RARB: variants seen among roughly 807,000 people sequenced by gnomAD.
The protein encoded by RARB is HBV-activated protein.
A neutral mutation model predicts 51.9 loss-of-function variants in RARB; 17 were observed. That is an observed-to-expected ratio of 0.33 (90% confidence interval 0.22 to 0.49). RARB has a LOEUF of 0.49. Among genes scored for constraint, RARB ranks in the 20% least tolerant of loss-of-function variants. The pLI is 0.99. For synonymous variants in RARB, 215 were observed against 195.4 expected (o/e 1.10, Z -0.84); for missense variants, 369 against 550.8 (o/e 0.67, Z 3.30).
intron 4 of RARB, among the ~76,000 whole-genome samples, chr3:25,572,323 T>C (rs961644033): frequency 5.3e-5 from 8 of 152,234 alleles, no homozygotes; most frequent in African/African-American, 1.7e-4. Flanking sequence ...TTACATCTCA[T>C]ATTTATTGAG....
intron 2 of RARB, among the ~76,000 whole-genome samples, chr3:25,487,490 A>G (rs1261291096): frequency 2.0e-5 from 3 of 147,592 alleles, no homozygotes; most frequent in East Asian, 2.0e-4. Flanking sequence ...TTTTTTTTCA[A>G]TCTGTAAATG....
At chr3:25,071,243 A>G (rs1698760294) in intron 3 of RARB, among the ~76,000 whole-genome samples, 2 of 152,256 alleles carry the variant, frequency 1.3e-5, no homozygotes, top group Non-Finnish European at 2.9e-5. Context: ...AGCAATTAGC[A>G]GGAAATTTAG....
intron 2 of RARB, among the ~76,000 whole-genome samples, chr3:25,469,864 AAATT>A (rs1165772327): frequency 2.0e-5 from 3 of 152,244 alleles, no homozygotes; most frequent in Admixed American, 6.5e-5. Context: ...AAAAGGATTT[AAATT>A]CTGGCTTTTG....
intron 2 of RARB, among the ~76,000 whole-genome samples, chr3:24,976,469 C>G (rs751632418): frequency 1.8e-4 from 27 of 152,082 alleles, no homozygotes; most frequent in African/African-American, 6.5e-4. Flanking sequence ...ATTCTAACTG[C>G]CGTGGGATGG....
chr3:24,834,439 G>C (rs1370362442), intron 1 of RARB, among the ~76,000 whole-genome samples: 2 of 151,908 alleles, frequency 1.3e-5, no homozygotes, highest in African/African-American at 4.8e-5. Context: ...AGATTTTTTT[G>C]ACAAAAAATA....
chr3:24,995,647 T>C (rs1010843732), intron 2 of RARB, among the ~76,000 whole-genome samples: 15 of 152,200 alleles, frequency 9.9e-5, no homozygotes, highest in Middle Eastern at 3.4e-3. Context: ...TTTCTTTCCA[T>C]CCCTAATTTG....
intron 5 of RARB, among the ~76,000 whole-genome samples, chr3:25,385,882 T>C (rs1363548296): frequency 6.6e-6 from 1 of 152,188 alleles, no homozygotes; most frequent in Non-Finnish European, 1.5e-5. Flanking sequence ...CAATCAGAAC[T>C]CTCACAGATA....
chr3:25,264,066 G>T (rs1254322371), intron 5 of RARB, among the ~76,000 whole-genome samples: 1 of 151,850 alleles, frequency 6.6e-6, no homozygotes, highest in Non-Finnish European at 1.5e-5. Context: ...TCAATTAGTG[G>T]CAGGGTAAAC....
chr3:25,197,636 A>G (rs925413169), intron 5 of RARB, among the ~76,000 whole-genome samples: 4 of 152,042 alleles, frequency 2.6e-5, no homozygotes, highest in Non-Finnish European at 5.9e-5. Context: ...GCATTTCTAT[A>G]TATCAATAGC....
At chr3:25,094,457 C>G (rs144666337) in intron 3 of RARB, among the ~76,000 whole-genome samples, 70 of 152,060 alleles carry the variant, frequency 4.6e-4, no homozygotes, top group Non-Finnish European at 9.4e-4. Context: ...TAGCTCACAC[C>G]TGTAATCTCA....
intron 5 of RARB, among the ~76,000 whole-genome samples, chr3:25,382,513 G>A (rs896682778): frequency 2.6e-5 from 4 of 152,220 alleles, no homozygotes; most frequent in South Asian, 2.1e-4. Flanking sequence ...CAGAACCTGT[G>A]AAACTCTCTG....
intron 5 of RARB, among the ~76,000 whole-genome samples, chr3:25,402,865 G>T (rs1707301921): frequency 6.6e-6 from 1 of 151,914 alleles, no homozygotes. Context: ...AAAAAATGTA[G>T]CTAGAAAGAA....
intron 3 of RARB, among the ~76,000 whole-genome samples, chr3:25,541,101 T>C (rs936437641): frequency 6.6e-6 from 1 of 152,252 alleles, no homozygotes; most frequent in African/African-American, 2.4e-5. Context: ...TCATTTATAC[T>C]CATTGTCTAA....
intron 3 of RARB, among the ~76,000 whole-genome samples, chr3:25,526,661 T>G (rs1698663951): frequency 6.6e-6 from 1 of 152,188 alleles, no homozygotes; most frequent in African/African-American, 2.4e-5. Context: ...ATGGACTGGA[T>G]GGACGGATGG....
chr3:25,077,451 G>T (rs1663039788), intron 3 of RARB, among the ~76,000 whole-genome samples: 1 of 152,034 alleles, frequency 6.6e-6, no homozygotes, highest in South Asian at 2.1e-4. Flanking sequence ...TTATATAAAT[G>T]AACCTACCCT....
chr3:25,283,525 A>G (rs1296166728), intron 5 of RARB, among the ~76,000 whole-genome samples: 1 of 152,232 alleles, frequency 6.6e-6, no homozygotes, highest in Non-Finnish European at 1.5e-5. Context: ...TGAAATTAAA[A>G]CATAATACCT....
intron 5 of RARB, among the ~76,000 whole-genome samples, chr3:25,361,525 T>G (rs1375217351): frequency 6.6e-6 from 1 of 152,226 alleles, no homozygotes; most frequent in African/African-American, 2.4e-5. Context: ...TTTCCCTTGC[T>G]GCCAAGGAGT....
intron 2 of RARB, among the ~76,000 whole-genome samples, chr3:25,034,713 AAC>A (rs1697947761): frequency 6.6e-6 from 1 of 152,058 alleles, no homozygotes; most frequent in African/African-American, 2.4e-5. Flanking sequence ...ATCAGTAAAA[AAC>A]ACAAGCCTAC....
At position 25,485,465 on chromosome 3, in the gene RARB, T is replaced by C. The variant is rs534356427; in HGVS notation, c.307-15717T>C. Among the ~76,000 whole-genome samples, 4 of 152,338 alleles carry C rather than the reference T, an allele frequency of 2.6e-5. No individual in the cohort carries two copies. The South Asian group carries it at 6.2e-4, about 24-fold the overall frequency. On this transcript the variant is annotated intron_variant, in intron 2 of 7. Transcript: ENST00000330688. ...GGCTTCAGGTCTAGCCCCACTCATA[T>C]TAGGTTTAAAGGCCAATGTGCAACA...
Sources: gnomAD v4.1 joint callset for allele counts (sites outside exome capture counted in the v4.1 genomes callset) on GRCh38, gnomAD v4.1.1 for gene constraint, MANE v1.5 for transcripts, NCBI Gene and HGNC (gene_info 2026-07-23, HGNC 2026-07-21) for gene names.